ADGRL3: variants seen among roughly 807,000 people sequenced by gnomAD.
ADGRL3 encodes calcium-independent alpha-latrotoxin receptor 3.
Under a neutral mutation model 153.5 loss-of-function variants are expected in ADGRL3, and 62 were observed. The observed-to-expected ratio is 0.40, with a 90% CI of 0.33 to 0.50. The LOEUF is 0.50. Among genes scored for constraint, ADGRL3 ranks in the 20% least tolerant of loss-of-function variants. The probability of loss-of-function intolerance (pLI) is 0.47; values close to 1 mark genes in which losing one functional copy is unlikely to be tolerated. For missense variants in ADGRL3, 1,641 were observed against 1,859.4 expected (o/e 0.88, Z 2.16); for synonymous variants, 710 against 672.5 (o/e 1.06, Z -0.86).
chr4:61,304,629 G>T (rs938927575), intron 1 of ADGRL3, among the ~76,000 whole-genome samples: 14 of 152,034 alleles, frequency 9.2e-5, no homozygotes, highest in Admixed American at 9.2e-4. Context: ...GATTGGGTGA[G>T]TATGTAATTC....
At chr4:61,546,818 T>G (rs1275677141) in intron 4 of ADGRL3, among the ~76,000 whole-genome samples, 1 of 152,212 alleles carries the variant, frequency 6.6e-6, no homozygotes, top group Non-Finnish European at 1.5e-5. Context: ...AATAGTCCAG[T>G]ATTTGGAAAC....
At chr4:61,229,492 A>G (rs1314004236) in intron 1 of ADGRL3, among the ~76,000 whole-genome samples, 2 of 150,850 alleles carry the variant, frequency 1.3e-5, no homozygotes. Context: ...CGTAGTATAC[A>G]TCATACCCTT....
At chr4:61,233,658 G>C (rs575107379) in intron 1 of ADGRL3, among the ~76,000 whole-genome samples, 1 of 152,164 alleles carries the variant, frequency 6.6e-6, no homozygotes, top group Admixed American at 6.6e-5. Context: ...ATGTATACAT[G>C]GAAAAGGCAT....
chr4:62,071,592 G>A lies in ADGRL3; in HGVS notation c.*684G>A, dbSNP rs1745673873. ...TACAGATACTAGCATTGCACATATA[G>A]TCTGCTTTCTGTTCCTCCAGAATTT... is the stretch of plus-strand genomic sequence containing the variant. On this transcript the variant is annotated 3_prime_UTR_variant, in exon 27 of 27. Coordinates refer to ENST00000683033, the MANE Select transcript of ADGRL3 (RefSeq NM_001387552.1). The A allele has an allele frequency of 3.1e-6, 1 of 325,084 alleles. No individual in the cohort carries two copies. Among genetic ancestry groups the A allele is most frequent in the African/African-American group, 2.2e-5 (1 of 45,104 alleles). 20.1% of individuals were successfully genotyped at this position (325,084 alleles called of 1,614,324 possible).
Position 61,202,842 on chromosome 4 carries a change from T to C in ADGRL3, c.-240+1077T>C, listed in dbSNP as rs1013686800. ...GCGGCGGAGTCAGCGTTTGAGTGTG[T>C]GCGCATTTTTGCGCCCCAGGGACGG... On this transcript the variant is annotated intron_variant, in intron 1 of 26. Coordinates refer to ENST00000683033, the MANE Select transcript of ADGRL3 (RefSeq NM_001387552.1). The surrounding 1 kb of genome is among the most constrained non-coding windows in gnomAD (Gnocchi z 5.0). 1.3e-5 allele frequency among the ~76,000 whole-genome samples: 2 copies of C among 152,164 alleles called. No individual in the cohort carries two copies. Among genetic ancestry groups the C allele is most frequent in the Non-Finnish European group, 2.9e-5 (2 of 68,022 alleles).
intron 9 of ADGRL3, among the ~76,000 whole-genome samples, chr4:61,842,710 G>A (rs1360525229): frequency 6.6e-6 from 1 of 152,118 alleles, no homozygotes; most frequent in African/African-American, 2.4e-5. Context: ...CAGGTTTGTT[G>A]CAATCCTAAC....
chr4:61,358,922 T>A (rs2096239362), intron 1 of ADGRL3, among the ~76,000 whole-genome samples: 1 of 152,192 alleles, frequency 6.6e-6, no homozygotes, highest in Non-Finnish European at 1.5e-5. Flanking sequence ...TTCTCAAACA[T>A]CTTCACTAGG....
chr4:61,880,003 G>T (rs557047874), intron 9 of ADGRL3, among the ~76,000 whole-genome samples: 1 of 152,242 alleles, frequency 6.6e-6, no homozygotes, highest in African/African-American at 2.4e-5. Context: ...TGAGATTATA[G>T]GCATGATCCA....
At chr4:61,454,437 T>C (rs1164307793) in intron 2 of ADGRL3, among the ~76,000 whole-genome samples, 3 of 152,314 alleles carry the variant, frequency 2.0e-5, no homozygotes, top group Admixed American at 6.5e-5. Context: ...AGATTTATTT[T>C]TAAAACAAAA....
chr4:61,367,743 G>T (rs1194921020), intron 1 of ADGRL3, among the ~76,000 whole-genome samples: 1 of 134,956 alleles, frequency 7.4e-6, no homozygotes, highest in Non-Finnish European at 1.6e-5. Flanking sequence ...AGTCCTTTGG[G>T]TATATACCCA....
chr4:62,069,194 GA>G (rs1023495127), intron 26 of ADGRL3, among the ~76,000 whole-genome samples: 1 of 152,044 alleles, frequency 6.6e-6, no homozygotes, highest in African/African-American at 2.4e-5. Context: ...TTTCTTACCA[GA>G]ATAAAATGTT....
intron 17 of ADGRL3, among the ~76,000 whole-genome samples, chr4:61,971,520 G>A (rs867335739): frequency 1.3e-5 from 2 of 152,076 alleles, no homozygotes; most frequent in Non-Finnish European, 2.9e-5. Flanking sequence ...GTATTCCATG[G>A]TATATATGTG....
intron 8 of ADGRL3, among the ~76,000 whole-genome samples, chr4:61,734,911 G>T (rs902407978): frequency 2.0e-5 from 3 of 152,144 alleles, no homozygotes; most frequent in African/African-American, 7.2e-5. Context: ...TTTTCAGCAG[G>T]TTAGTTCTTT....
chr4:61,368,197 C>T (rs1421728484), intron 1 of ADGRL3, among the ~76,000 whole-genome samples: 1 of 151,962 alleles, frequency 6.6e-6, no homozygotes, highest in East Asian at 1.9e-4. Flanking sequence ...TGCCTGTTCA[C>T]TCTGATGGTA....
chr4:61,580,907 A>G (rs2098922081), intron 4 of ADGRL3, among the ~76,000 whole-genome samples: 1 of 152,098 alleles, frequency 6.6e-6, no homozygotes, highest in African/African-American at 2.4e-5. Context: ...TAAGTCCTTT[A>G]GAAGCGAGTC....
intron 8 of ADGRL3, among the ~76,000 whole-genome samples, chr4:61,740,269 G>C (rs932774221): frequency 1.3e-5 from 2 of 152,102 alleles, no homozygotes; most frequent in South Asian, 4.1e-4. Flanking sequence ...TTTTTTGTAA[G>C]ATGTACATTT....
At chr4:61,838,246 A>G (rs115083677) in intron 9 of ADGRL3, among the ~76,000 whole-genome samples, 2,312 of 152,258 alleles carry the variant, frequency 0.015, 55 homozygotes, top group African/African-American at 0.049. Context: ...CATTGCATAT[A>G]AAGATAAAAA....
chr4:61,543,457 ATAGCCTTCCTGACTGGCTGATTT>A (rs1407766406), intron 4 of ADGRL3, among the ~76,000 whole-genome samples: 1 of 152,212 alleles, frequency 6.6e-6, no homozygotes, highest in Non-Finnish European at 1.5e-5. Context: ...AGAAAGGAAC[ATAGCCTTCCTGACTGGCTGATTT>A]TAGCCCGGAG....
chr4:61,975,134 A>G (rs1416892438), intron 17 of ADGRL3, among the ~76,000 whole-genome samples: 1 of 152,142 alleles, frequency 6.6e-6, no homozygotes, highest in Non-Finnish European at 1.5e-5. Flanking sequence ...GAAAATAAGT[A>G]GAAAAAATAT....
Sources: allele counts gnomAD v4.1 joint callset (sites outside exome capture counted in the v4.1 genomes callset), GRCh38; gene constraint gnomAD v4.1.1; non-coding constraint Gnocchi (gnomAD v3.1); transcripts MANE v1.5; gene names NCBI Gene and HGNC (gene_info 2026-07-23, HGNC 2026-07-21).